AFTPH: variants seen among roughly 807,000 people sequenced by gnomAD.
AFTPH encodes the protein aftiphilin, also known as aftiphilin protein.
A neutral mutation model predicts 72.5 loss-of-function variants in AFTPH; 7 were observed. That is an observed-to-expected ratio of 0.10 (90% CI 0.05 to 0.18). The LOEUF (loss-of-function observed/expected upper bound fraction) is 0.18. Among genes scored for constraint, AFTPH ranks in the 10% least tolerant of loss-of-function variants. The probability of loss-of-function intolerance (pLI) is 1.00; values close to 1 mark genes in which losing one functional copy is unlikely to be tolerated. For missense variants in AFTPH, 979 were observed against 1,060.5 expected (o/e 0.92, Z 1.07); for synonymous variants, 337 against 370.1 (o/e 0.91, Z 1.03).
chr2:64,581,946 G>A (rs112070894), intron 7 of AFTPH, among the ~76,000 whole-genome samples: 3,012 of 152,308 alleles, frequency 0.02, 41 homozygotes, highest in Non-Finnish European at 0.031. Context: ...TTACTGGAGT[G>A]CCTGTTAATG....
chr2:64,567,270 T>A (rs974600113), intron 2 of AFTPH, among the ~76,000 whole-genome samples: 13 of 152,232 alleles, frequency 8.5e-5, no homozygotes, highest in African/African-American at 3.1e-4. Flanking sequence ...GGGTAATTTC[T>A]TTTTTGTAGA....
intron 1 of AFTPH, among the ~76,000 whole-genome samples, chr2:64,532,737 A>C (rs932478383): frequency 2.0e-5 from 3 of 152,206 alleles, no homozygotes; most frequent in African/African-American, 7.2e-5. Flanking sequence ...CTAGGCTGTA[A>C]AGATGAATCT....
At chr2:64,552,693 G>A (rs757008609) in exon 2 of AFTPH, 1 of 1,614,178 alleles carries the variant, frequency 6.2e-7, no homozygotes, top group Admixed American at 1.7e-5. Flanking sequence ...AAATGATTTG[G>A]ATGATTCTTT....
intron 6 of AFTPH, among the ~76,000 whole-genome samples, chr2:64,573,997 A>G (rs368189264): frequency 1.3e-5 from 2 of 152,170 alleles, no homozygotes; most frequent in African/African-American, 4.8e-5. Context: ...TCCTTGGCAC[A>G]CTTAAGCACA....
chr2:64,585,534 C>T (rs769136489), exon 8 of AFTPH: 3 of 1,608,694 alleles, frequency 1.9e-6, no homozygotes, highest in South Asian at 1.1e-5. Context: ...AGAAGACAAG[C>T]ACATCTACCA....
intron 6 of AFTPH, 137 bp from the exon 7 acceptor site, chr2:64,579,349 G>A (rs773840853): frequency 1.8e-6 from 1 of 571,084 alleles, no homozygotes; most frequent in Non-Finnish European, 3.0e-6. Flanking sequence ...GTAACCTTCT[G>A]AAATTGTAAA....
chr2:64,529,502 A>G (rs1373242688), intron 1 of AFTPH, among the ~76,000 whole-genome samples: 2 of 151,956 alleles, frequency 1.3e-5, no homozygotes, highest in African/African-American at 4.8e-5. Flanking sequence ...ACTCAGTTCT[A>G]CCACAGTTTT....
At chr2:64,544,187 A>G (rs1670422187) in intron 1 of AFTPH, among the ~76,000 whole-genome samples, 1 of 152,230 alleles carries the variant, frequency 6.6e-6, no homozygotes, top group Admixed American at 6.5e-5. Context: ...ATCTCCTGAT[A>G]AGGATGTGAT....
rs1669132740 is a variant in AFTPH at position 64,524,631 on chromosome 2, C to T, written c.-33+19C>T. On this transcript the variant is annotated intron_variant, in intron 1 of 8. Coordinates refer to ENST00000238856, the Ensembl canonical transcript of AFTPH. Reference sequence around the variant, plus strand: ...GAGCCAGGTAAGCGCCGCCGCTCCGCTCCCCTAGCTGCGCCGGGGAAAGAG... The same window carrying T: ...GAGCCAGGTAAGCGCCGCCGCTCCGTTCCCCTAGCTGCGCCGGGGAAAGAG... 1 of 397,564 alleles carries T rather than the reference C, an allele frequency of 2.5e-6. No homozygotes were observed. The highest frequency in any genetic ancestry group is 4.4e-5 in the Admixed American group (1 of 22,706). 24.6% of individuals were successfully genotyped at this position (397,564 alleles called of 1,614,324 possible).
At position 64,553,235 on chromosome 2, in the gene AFTPH, T is replaced by G; in HGVS notation, c.1761T>G (p.Ala587=). The G allele has an allele frequency of 1.9e-6, 3 of 1,614,150 alleles. No homozygotes were observed. In the East Asian group the frequency reaches 6.7e-5, roughly 36 times the overall value. Residue 587 remains alanine (A), a synonymous_variant, in exon 2 of 9, where the codon GCT becomes GCG. Transcript: ENST00000238856. ...AAAAAGATAGTTGTTCTTGGGCTGC[T>G]TTTGGAGACCAGCAGGCTACTGAAT... is the stretch of plus-strand genomic sequence containing the variant.
intron 1 of AFTPH, among the ~76,000 whole-genome samples, chr2:64,540,304 C>T (rs1052840252): frequency 1.3e-5 from 2 of 151,990 alleles, no homozygotes; most frequent in African/African-American, 4.8e-5. Context: ...ATTTTGTTGC[C>T]CTTGTTATCA....
chr2:64,524,351 G>T lies in AFTPH; in HGVS notation c.-294G>T. 2 of 401,384 alleles carry T rather than the reference G, an allele frequency of 5.0e-6. No homozygotes were observed. The highest frequency in any genetic ancestry group is 8.8e-6 in the Non-Finnish European group (2 of 227,522). 24.9% of individuals were successfully genotyped at this position (401,384 alleles called of 1,614,324 possible). A position where few individuals can be genotyped will look rare whatever the true frequency, so the allele number is the denominator to read the frequency against. ...CCGCTGCATGATGGGAGAGTGTGTGGAGTGGGCGGGGGGTCTCCGCGGAGG... is the reference window on the plus strand; with the variant it reads ...CCGCTGCATGATGGGAGAGTGTGTGTAGTGGGCGGGGGGTCTCCGCGGAGG... On this transcript the variant is annotated 5_prime_UTR_variant, in exon 1 of 9. An upstream open reading frame in the 5' UTR gains an earlier in-frame stop. Coordinates refer to ENST00000238856, the Ensembl canonical transcript of AFTPH.
chr2:64,571,832 A>G (rs1672450633), intron 5 of AFTPH, among the ~76,000 whole-genome samples: 1 of 152,186 alleles, frequency 6.6e-6, no homozygotes, highest in South Asian at 2.1e-4. Flanking sequence ...ATTATGGCCC[A>G]TTTTGAGTTT....
At chr2:64,581,200 T>G (rs1573039207) in intron 7 of AFTPH, 1 of 1,594,548 alleles carries the variant, frequency 6.3e-7, no homozygotes, top group Non-Finnish European at 8.5e-7. Context: ...CTAGTGGAGG[T>G]TCCACTCTTC....
chr2:64,572,893 G>A (rs890791987), intron 5 of AFTPH, 53 bp from the exon 6 acceptor site: 54 of 1,594,710 alleles, frequency 3.4e-5, no homozygotes, highest in Non-Finnish European at 4.4e-5. Flanking sequence ...ATTAACTTAA[G>A]TTTATGGGCT....
exon 2 of AFTPH, chr2:64,553,398 A>T: frequency 1.3e-6 from 2 of 1,579,050 alleles, no homozygotes. Flanking sequence ...GGAATCAGCC[A>T]CTTCAGTTCA....
chr2:64,571,937 C>T lies in AFTPH; in HGVS notation c.2272-1009C>T, dbSNP rs536079755. Among the ~76,000 whole-genome samples the T allele has an allele frequency of 2.4e-4, 36 of 150,874 alleles. 1 individual carries two copies. The highest frequency in any genetic ancestry group is 4.9e-4 in the African/African-American group (20 of 41,110). ...TTCTTACTCAAAAAGCATATTAGGC[C>T]GGGCGTGGTGGCTCACGCCTGTAAT... On this transcript the variant is annotated intron_variant, in intron 5 of 8. Transcript: ENST00000238856.
intron 2 of AFTPH, among the ~76,000 whole-genome samples, chr2:64,564,562 C>T (rs1374140361): frequency 2.0e-5 from 3 of 151,714 alleles, no homozygotes; most frequent in Non-Finnish European, 2.9e-5. Context: ...TGCAGTGAGC[C>T]GAGATCGCAC....
intron 3 of AFTPH, among the ~76,000 whole-genome samples, chr2:64,568,651 G>T (rs192845506): frequency 6.6e-6 from 1 of 152,096 alleles, no homozygotes; most frequent in African/African-American, 2.4e-5. Flanking sequence ...AGACAGTCTC[G>T]CTCTGTTGCC....
Sources: gnomAD v4.1 joint callset for allele counts (sites outside exome capture counted in the v4.1 genomes callset) on GRCh38, gnomAD v4.1.1 for gene constraint, MANE v1.5 for transcripts, NCBI Gene and HGNC (gene_info 2026-07-23, HGNC 2026-07-21) for gene names.